The following CDH23 variants were observed in gnomAD, a reference collection of about 807,000 sequenced individuals.
The protein encoded by CDH23 is cadherin-23.
A neutral mutation model predicts 317.1 loss-of-function variants in CDH23; 189 were observed. The ratio of observed to expected loss-of-function variants is 0.60; its 90% CI spans 0.53 to 0.67. The LOEUF (loss-of-function observed/expected upper bound fraction) is 0.67, where lower values mean the gene tolerates loss of function less well. CDH23 is among the 30% of genes least tolerant of loss of function. The probability of loss-of-function intolerance (pLI) is 0.00; values close to 1 mark genes in which losing one functional copy is unlikely to be tolerated. For synonymous variants in CDH23, 1,839 were observed against 1,876.8 expected (o/e 0.98, Z 0.52); for missense variants, 4,401 against 4,592.4 (o/e 0.96, Z 1.20).
At chr10:71,514,229 G>A (rs1056895398) in intron 6 of CDH23, among the ~76,000 whole-genome samples, 2 of 152,172 alleles carry the variant, frequency 1.3e-5, no homozygotes, top group Non-Finnish European at 1.5e-5. Flanking sequence ...CCAGGGGACT[G>A]GTTAGAAAGC....
rs1444290118 is a variant in CDH23, at chr10:71,700,041, C to T, written c.2398-1981C>T. ...GCCTGGCCTGGAACAAGTGATTTAGCTGCTCTCTTCCTCAGTTTCCCCATC... is the reference window on the plus strand; with the variant it reads ...GCCTGGCCTGGAACAAGTGATTTAGTTGCTCTCTTCCTCAGTTTCCCCATC... On this transcript the variant is annotated intron_variant, in intron 22 of 69. Transcript: ENST00000224721. Among the ~76,000 whole-genome samples the T allele has an allele frequency of 4.6e-5, 7 of 152,214 alleles. No individual in the cohort carries two copies. The East Asian group carries it at 1.3e-3, about 29-fold the overall frequency.
rs1161048286 is a variant in CDH23 at position 71,432,401 on chromosome 10, GTT to G, written c.-5-7424_-5-7423del. 2.9e-4 allele frequency among the ~76,000 whole-genome samples: 25 copies of G among 85,892 alleles called. No homozygotes were observed. In the East Asian group the frequency reaches 4.1e-3, roughly 14 times the overall value. The allele number at this position is 85,892 out of a possible 152,430, so 56.3% of individuals were successfully genotyped here. On this transcript the variant is annotated intron_variant, in intron 1 of 69. Coordinates refer to ENST00000224721, the MANE Select transcript of CDH23 (RefSeq NM_022124.6). The stretch of plus-strand genomic sequence containing the variant: ...AGAGTGTGTGAGTTGTGTGGTGTGT[GTT>G]TGTGTGTGTGTGAGTGTGTGGGTGA...
intron 19 of CDH23, among the ~76,000 whole-genome samples, chr10:71,688,794 GGGGTGGT>G (rs1417938025): frequency 7.6e-6 from 1 of 131,974 alleles, no homozygotes; most frequent in Non-Finnish European, 1.7e-5. Context: ...GGTGGAGTCA[GGGGTGGT>G]GGAGCCAACG....
chr10:71,671,416 G>C (rs191701645), intron 14 of CDH23, among the ~76,000 whole-genome samples: 11 of 152,278 alleles, frequency 7.2e-5, no homozygotes, highest in South Asian at 6.2e-4. Context: ...TGCAGGGAAG[G>C]GGGTGTTTGC....
intron 44 of CDH23, among the ~76,000 whole-genome samples, chr10:71,787,304 G>T (rs1484515519): frequency 6.6e-6 from 1 of 150,618 alleles, no homozygotes; most frequent in African/African-American, 2.5e-5. Context: ...GAACCCTGGT[G>T]TGGGCGCTTT....
intron 66 of CDH23, 76 bp downstream of exon 66, chr10:71,812,091 C>A: frequency 6.2e-7 from 1 of 1,611,008 alleles, no homozygotes; most frequent in South Asian, 1.1e-5. Flanking sequence ...GCTGCAGTCT[C>A]CCAGCGCTGG....
chr10:71,710,350 G>A (rs1865928321), intron 27 of CDH23, among the ~76,000 whole-genome samples: 1 of 152,228 alleles, frequency 6.6e-6, no homozygotes, highest in Non-Finnish European at 1.5e-5. Flanking sequence ...CCAGGGAAGT[G>A]AGATGTGCTG....
chr10:71,417,362 C>T lies in CDH23; in HGVS notation c.-6+20044C>T, dbSNP rs541221550. On this transcript the variant is annotated intron_variant, in intron 1 of 69. Transcript: ENST00000224721. ...AAAGTGCTGGGATTACAGATCTGAG[C>T]CACCGTGCCCGACCTTGCCTTTGGT... Among the ~76,000 whole-genome samples, 13 of 152,194 alleles carry T rather than the reference C, an allele frequency of 8.5e-5. No individual in the cohort carries two copies. The South Asian group carries it at 2.7e-3, about 32-fold the overall frequency.
intron 1 of CDH23, among the ~76,000 whole-genome samples, chr10:71,424,322 G>A (rs542109739): frequency 3.4e-4 from 52 of 152,366 alleles, no homozygotes; most frequent in African/African-American, 1.2e-3. Flanking sequence ...AGCTCCTTCT[G>A]GTCAAGCCCC....
intron 1 of CDH23, among the ~76,000 whole-genome samples, chr10:71,401,859 C>A (rs1032408842): frequency 2.0e-5 from 3 of 152,228 alleles, no homozygotes; most frequent in East Asian, 3.9e-4. Context: ...ATCATTTTTG[C>A]AAAAGAGCCA....
rs543225183 is a variant in CDH23, at chr10:71,677,552, C to T, written c.1611C>T (p.Asp537=). 14 of 1,611,654 alleles carry T rather than the reference C, an allele frequency of 8.7e-6. 1 individual carries two copies. Among genetic ancestry groups the T allele is most frequent in the South Asian group, 4.4e-5 (4 of 90,214 alleles). The change falls in exon 16 of 70, where the codon GAC becomes GAT. Residue 537 remains aspartate, a synonymous_variant. Transcript: ENST00000224721. The part of the protein sequence containing the change: ...QRFTLTIIAR[D]GGGEETTGRV... The stretch of plus-strand genomic sequence containing the variant: ...TCACCCTGACGATCATTGCCCGGGA[C>T]GGGGGCGGCGAGGAGACCACAGGCC...
At chr10:71,442,912 G>A (rs1431495153) in intron 2 of CDH23, among the ~76,000 whole-genome samples, 1 of 152,238 alleles carries the variant, frequency 6.6e-6, no homozygotes, top group Non-Finnish European at 1.5e-5. Context: ...CTGGAGGGCA[G>A]GGCAGGGCTT....
At chr10:71,500,764 CT>C (rs1459021168) in intron 3 of CDH23, among the ~76,000 whole-genome samples, 2 of 32,202 alleles carry the variant, frequency 6.2e-5, no homozygotes, top group African/African-American at 1.1e-4. Context: ...AGCCTGTTTT[CT>C]TTTCTTTTCT....
rs79895525 is a variant in CDH23, at chr10:71,506,324, A to G, written c.146-3758A>G. ...GAATTAGTGGTGATGGTTGCACAGC[A>G]TCGTGAATGTACTAAATGCCACTGA... On this transcript the variant is annotated intron_variant, in intron 3 of 69. Coordinates refer to ENST00000224721, the MANE Select transcript of CDH23 (RefSeq NM_022124.6). Among the ~76,000 whole-genome samples, 151 of 152,372 alleles carry G rather than the reference A, an allele frequency of 9.9e-4. 2 individuals carry two copies. The East Asian group carries it at 0.026, about 26-fold the overall frequency.
intron 38 of CDH23, chr10:71,761,751 C>T (rs1840392394): frequency 6.8e-6 from 11 of 1,614,034 alleles, no homozygotes; most frequent in Admixed American, 3.3e-5. Context: ...GAGGCCGACT[C>T]CAGCCCGTGG....
At chr10:71,426,372 T>G (rs1849079870) in intron 1 of CDH23, among the ~76,000 whole-genome samples, 1 of 152,200 alleles carries the variant, frequency 6.6e-6, no homozygotes, top group South Asian at 2.1e-4. Context: ...GGTCTTCCTT[T>G]CCATCCTTGG....
chr10:71,591,013 G>C (rs1055101117), intron 9 of CDH23, among the ~76,000 whole-genome samples: 1 of 152,034 alleles, frequency 6.6e-6, no homozygotes, highest in Non-Finnish European at 1.5e-5. Flanking sequence ...TGAGGAGACA[G>C]ACAAGACTAT....
At chr10:71,551,863 C>T (rs1856615610) in intron 6 of CDH23, among the ~76,000 whole-genome samples, 2 of 152,172 alleles carry the variant, frequency 1.3e-5, no homozygotes, top group Admixed American at 6.5e-5. Flanking sequence ...GCCCACCTCC[C>T]CCAGCAGGGA....
rs897926035 is a variant in CDH23, at chr10:71,810,395, G to T, written c.8980-77G>T. The T allele has an allele frequency of 2.7e-5, 36 of 1,320,808 alleles. 1 individual carries two copies. Among genetic ancestry groups the T allele is most frequent in the Admixed American group, 8.8e-5 (5 of 56,582 alleles). 81.8% of individuals were successfully genotyped at this position (1,320,808 alleles called of 1,614,324 possible). On this transcript the variant is annotated intron_variant, in intron 61 of 69. Coordinates refer to ENST00000224721, the MANE Select transcript of CDH23 (RefSeq NM_022124.6). ...CTATTTGCAGGGAAGGGCAGAAGGG[G>T]TTCCTAAAAGAGGCCTGCCCATCCC...
Sources: gnomAD v4.1 joint callset for allele counts (sites outside exome capture counted in the v4.1 genomes callset) on GRCh38, gnomAD v4.1.1 for gene constraint, MANE v1.5 for transcripts, NCBI Gene and HGNC (gene_info 2026-07-23, HGNC 2026-07-21) for gene names.